CHTF18: variants seen among roughly 807,000 people sequenced by gnomAD.
CHTF18 encodes chromosome transmission fidelity protein 18 homolog.
In CHTF18, 151 loss-of-function variants were observed where a neutral mutation model predicts 113.4. The observed-to-expected ratio is 1.33, with a 90% CI of 1.17 to 1.52. The LOEUF is 1.52. CHTF18 is among the 40% of genes most tolerant of loss of function. The pLI is 0.00. For synonymous variants in CHTF18, 916 were observed against 598.8 expected, an observed-to-expected ratio of 1.53 and a Z score of -7.74; for missense variants, 1,982 against 1,381.6, an observed-to-expected ratio of 1.43 and a Z score of -6.89.
rs760707625 is a variant in CHTF18, at chr16:796,729, A to G, written c.2469A>G (p.Glu823=). The change falls in exon 19 of 22, where the codon GAA becomes GAG. Residue 823 remains glutamate (E), a synonymous_variant. Coordinates refer to ENST00000262315, the MANE Select transcript of CHTF18 (RefSeq NM_022092.3). ...YIYRLEPNVE[E]LCRFPELPAR... is the part of the protein sequence containing the mutation. ...CTGTGCTGAGCAGGAACGTGGAGGAACTCTGCCGCTTCCCTGAGCTGCCTG... is the reference window on the plus strand; with the variant it reads ...CTGTGCTGAGCAGGAACGTGGAGGAGCTCTGCCGCTTCCCTGAGCTGCCTG... 3.1e-6 allele frequency: 5 copies of G among 1,601,232 alleles called. No homozygotes were observed. Among genetic ancestry groups the G allele is most frequent in the Non-Finnish European group, 3.4e-6 (4 of 1,179,018 alleles).
intron 9 of CHTF18, 56 bp downstream of exon 9, chr16:792,004 C>T (rs911627209): frequency 5.1e-6 from 8 of 1,561,226 alleles, no homozygotes; most frequent in South Asian, 2.4e-5. Flanking sequence ...TGTTTGAGTT[C>T]TGGTGGCGGA....
Position 790,600 on chromosome 16 carries a change from C to G in CHTF18, c.828C>G (p.Ala276=). 2 of 1,596,930 alleles carry G rather than the reference C, an allele frequency of 1.3e-6. No homozygotes were observed. The highest frequency in any genetic ancestry group is 1.3e-5 in the African/African-American group (1 of 74,600). Residue 276 remains alanine (A), a synonymous_variant, in exon 7 of 22, where the codon GCC becomes GCG. Coordinates refer to ENST00000262315, the MANE Select transcript of CHTF18 (RefSeq NM_022092.3). ...PEEEPTDGQD[A]SSHCLWVDEF... ...AGGAGCCGACTGACGGTCAAGACGC[C>G]TCCAGTCACTGCCTCTGGGTGGATG...
chr16:788,684 T>A lies in CHTF18; in HGVS notation c.-1T>A. The A allele has an allele frequency of 3.2e-6, 5 of 1,584,270 alleles. No homozygotes were observed. The highest frequency in any genetic ancestry group is 4.3e-6 in the Non-Finnish European group (5 of 1,168,018). ...AGCGGGAGCTCGGGCTCGCGGACGG[T>A]ATGGAGGACTACGAGCAGGAGCTGT... On this transcript the variant is annotated 5_prime_UTR_variant, in exon 1 of 22. Transcript: ENST00000262315.
In CHTF18 at chr16:788,738, G is replaced by A. The variant is rs1268059072; in HGVS notation, c.54G>A (p.Gln18=). The A allele has an allele frequency of 4.4e-6, 7 of 1,602,952 alleles. No homozygotes were observed. Among genetic ancestry groups the A allele is most frequent in the South Asian group, 1.1e-5 (1 of 89,592 alleles). The change falls in exon 1 of 22, where the codon CAG becomes CAA. Residue 18 remains glutamine, a synonymous_variant. Coordinates refer to ENST00000262315, the MANE Select transcript of CHTF18 (RefSeq NM_022092.3). ...LCGVEDDFHN[Q]FAAELEVLAE... ...GCGTCGAGGATGATTTCCACAACCAGTTCGCGGCCGAGCTGGAGGTGCTGG... is the reference window on the plus strand; with the variant it reads ...GCGTCGAGGATGATTTCCACAACCAATTCGCGGCCGAGCTGGAGGTGCTGG...
rs567070440 is a variant in CHTF18, at chr16:797,043, A to G, written c.2684A>G (p.His895Arg). The change falls in exon 20 of 22, where the codon CAT (histidine) becomes CGT (arginine). Residue 895 changes from histidine (H) to arginine (R), a missense_variant. His to Arg is a conservative substitution (Grantham distance 29). Coordinates refer to ENST00000262315, the MANE Select transcript of CHTF18 (RefSeq NM_022092.3). ...GTGCACCGACCTGCCCCACGCAACC[A>G]TGAGCAGCGGCTGGAGCACATCATG... ...KGVHRPAPRN[H>R]EQRLEHIMRR... The G allele has an allele frequency of 1.3e-5, 21 of 1,562,390 alleles. No homozygotes were observed. In the South Asian group the frequency reaches 1.7e-4, roughly 12 times the overall value.
In CHTF18 at chr16:792,516, T is replaced by G. The variant is rs769991072; in HGVS notation, c.1404T>G (p.Pro468=). 3 of 1,592,564 alleles carry G rather than the reference T, an allele frequency of 1.9e-6. No individual in the cohort carries two copies. The Admixed American group carries it at 5.5e-5, about 29-fold the overall frequency. The part of the protein sequence containing the change: ...QEVGPQGPAV[P]SGGGRRRRAE... ...TGGGGCCACAGGGCCCGGCTGTGCC[T>G]TCGGGAGGCGGCCGACGGCGCCGGG... Residue 468 remains proline, a synonymous_variant, in exon 11 of 22, where the codon CCT becomes CCG. Coordinates refer to ENST00000262315, the MANE Select transcript of CHTF18 (RefSeq NM_022092.3).
rs771422893 is a variant in CHTF18 at position 788,712 on chromosome 16, G to A, written c.28G>A (p.Gly10Ser). 9 of 1,601,356 alleles carry A rather than the reference G, an allele frequency of 5.6e-6. No homozygotes were observed. Among genetic ancestry groups the A allele is most frequent in the Admixed American group, 1.7e-5 (1 of 58,770 alleles). The change falls in exon 1 of 22, where the codon GGC (glycine) becomes AGC (serine). Residue 10 changes from glycine (G) to serine (S), a missense_variant. Transcript: ENST00000262315. MEDYEQELC[G>S]VEDDFHNQFA... is the part of the protein sequence containing the mutation. ...GGAGGACTACGAGCAGGAGCTGTGCGGCGTCGAGGATGATTTCCACAACCA... is the reference window on the plus strand; with the variant it reads ...GGAGGACTACGAGCAGGAGCTGTGCAGCGTCGAGGATGATTTCCACAACCA...
In CHTF18 at chr16:792,960, C is replaced by T. The variant is rs747754584; in HGVS notation, c.1573-6C>T. On this transcript the variant is annotated splice_region_variant and splice_polypyrimidine_tract_variant and intron_variant, in intron 12 of 21. Transcript: ENST00000262315. Reference sequence around the variant, plus strand: ...ATCGGGCCCTCCAGCAGCCCTTCTCCACCAGGTCTCCCTGCGGCAGGGCAT... The same window carrying T: ...ATCGGGCCCTCCAGCAGCCCTTCTCTACCAGGTCTCCCTGCGGCAGGGCAT... 3.9e-6 allele frequency: 6 copies of T among 1,553,630 alleles called. No individual in the cohort carries two copies. The highest frequency in any genetic ancestry group is 1.2e-5 in the South Asian group (1 of 84,188).
intron 14 of CHTF18, chr16:793,801 G>A (rs191719411): frequency 7.6e-6 from 5 of 654,184 alleles, no homozygotes; most frequent in Admixed American, 2.3e-5. Context: ...ACTTTCCCTG[G>A]GGTCCCCTAA....
chr16:790,501 G>A, intron 6 of CHTF18, 24 bp from the exon 7 acceptor site: 1 of 1,604,580 alleles, frequency 6.2e-7, no homozygotes, highest in South Asian at 1.1e-5. Flanking sequence ...AGTTGTTTGT[G>A]GCTCAGGACG....
Position 795,676 on chromosome 16 carries a change from C to A in CHTF18, c.2176-9C>A. On this transcript the variant is annotated splice_polypyrimidine_tract_variant and intron_variant, in intron 16 of 21. Transcript: ENST00000262315. Reference sequence around the variant, plus strand: ...AGGTGACCAGGCCTTGGCTCACCCCCTGCCCCAGGCCCAGAACCGGATGAG... The same window carrying A: ...AGGTGACCAGGCCTTGGCTCACCCCATGCCCCAGGCCCAGAACCGGATGAG... 1 of 1,584,548 alleles carries A rather than the reference C, an allele frequency of 6.3e-7. No individual in the cohort carries two copies. The highest frequency in any genetic ancestry group is 2.3e-5 in the East Asian group (1 of 44,024).
In CHTF18 at chr16:793,417, C is replaced by T. The variant is rs1257822387; in HGVS notation, c.1802+143C>T. On this transcript the variant is annotated intron_variant, in intron 14 of 21. Transcript: ENST00000262315. ...GTTGCCTGGTCCAGCCTCCAGGGCC[C>T]TCCTCAGCCTTTTCCTGGCTTGTTC... 3.7e-6 allele frequency: 4 copies of T among 1,095,592 alleles called. No homozygotes were observed. In the African/African-American group the frequency reaches 4.7e-5, roughly 13 times the overall value. The allele number at this position is 1,095,592 out of a possible 1,614,324, so 67.9% of individuals were successfully genotyped here.
intron 18 of CHTF18, 98 bp from the exon 19 acceptor site, chr16:796,619 C>A (rs891809811): frequency 2.9e-6 from 4 of 1,374,700 alleles, no homozygotes; most frequent in Non-Finnish European, 3.8e-6. Flanking sequence ...CTGCTCTGGC[C>A]TTGTGGCTTT....
At position 792,238 on chromosome 16, in the gene CHTF18, C is replaced by T. The variant is rs759875575; in HGVS notation, c.1217C>T (p.Pro406Leu). 1.3e-5 allele frequency: 20 copies of T among 1,569,428 alleles called. No individual in the cohort carries two copies. Among genetic ancestry groups the T allele is most frequent in the Middle Eastern group, 1.7e-4 (1 of 6,032 alleles). ...VEMNASDDRS[P>L]EVFRTRIEAA... ...CCCCATTGCAGTGACGACCGTAGCC[C>T]GGAGGTCTTCCGCACACGCATCGAG... Residue 406 changes from proline (P) to leucine (L), a missense_variant, in exon 10 of 22, where the codon CCG (proline) becomes CTG (leucine). Physicochemically the swap from Pro to Leu is moderately conservative, Grantham distance 98. Coordinates refer to ENST00000262315, the MANE Select transcript of CHTF18 (RefSeq NM_022092.3).
At position 790,628 on chromosome 16, in the gene CHTF18, T is replaced by C. The variant is rs61753373; in HGVS notation, c.856T>C (p.Phe286Leu). Residue 286 changes from phenylalanine to leucine, a missense_variant, in exon 7 of 22, where the codon TTT becomes CTT. Physicochemically the swap from Phe to Leu is conservative, Grantham distance 22. Transcript: ENST00000262315. ...ASSHCLWVDE[F>L]APRHYTELLS... ...CAGTCACTGCCTCTGGGTGGATGAG[T>C]TTGCACCCCGCCACTACACGGAGCT... 19,160 of 1,585,558 alleles carry C rather than the reference T, an allele frequency of 0.012. 153 individuals carry two copies. Among genetic ancestry groups the C allele is most frequent in the Non-Finnish European group, 0.014 (15,847 of 1,168,538 alleles).
intron 8 of CHTF18, 99 bp from the exon 9 acceptor site, chr16:791,752 C>T (rs560489392): frequency 4.4e-5 from 65 of 1,480,068 alleles, no homozygotes; most frequent in African/African-American, 2.8e-4. Flanking sequence ...GTGGAGGGAG[C>T]GCCCAGCCTG....
At chr16:792,656 G>C (rs1166728792) in intron 11 of CHTF18, 62 bp from the exon 12 acceptor site, 2 of 1,588,632 alleles carry the variant, frequency 1.3e-6, no homozygotes, top group South Asian at 1.1e-5. Context: ...GTTCCGGCCC[G>C]TCCCTGTGTC....
intron 20 of CHTF18, 22 bp from the exon 21 acceptor site, chr16:797,672 G>T: frequency 6.2e-7 from 1 of 1,611,156 alleles, no homozygotes; most frequent in South Asian, 1.1e-5. Context: ...CTATACGACT[G>T]ACTAGTCCTT....
chr16:797,408 G>C (rs1353922657), intron 20 of CHTF18, among the ~76,000 whole-genome samples: 2 of 152,092 alleles, frequency 1.3e-5, no homozygotes, highest in African/African-American at 4.8e-5. Flanking sequence ...CCTAAGGGGG[G>C]CTCTGAAGGA....
Sources: gnomAD v4.1 joint callset for allele counts (sites outside exome capture counted in the v4.1 genomes callset) on GRCh38, gnomAD v4.1.1 for gene constraint, MANE v1.5 for transcripts, NCBI Gene and HGNC (gene_info 2026-07-23, HGNC 2026-07-21) for gene names.